LRP1B: variants seen among roughly 807,000 people sequenced by gnomAD.
The protein encoded by LRP1B is LDL receptor related protein 1B.
A neutral mutation model predicts 556.6 loss-of-function variants in LRP1B; 217 were observed. The observed-to-expected ratio is 0.39, with a 90% confidence interval of 0.35 to 0.44. The LOEUF (loss-of-function observed/expected upper bound fraction) is 0.44. LRP1B is among the 20% of genes least tolerant of loss of function. The probability of loss-of-function intolerance (pLI) is 1.00; values close to 1 mark genes in which losing one functional copy is unlikely to be tolerated. For missense variants in LRP1B, 5,053 were observed against 5,620.8 expected, an observed-to-expected ratio of 0.90 and a Z score of 3.23; for synonymous variants, 2,047 against 1,865.8, an observed-to-expected ratio of 1.10 and a Z score of -2.50.
chr2:140,683,316 A>C (rs1437654539), intron 41 of LRP1B: 2 of 436,128 alleles, frequency 4.6e-6, no homozygotes, highest in Admixed American at 3.1e-5. Context: ...AGAGATCTTG[A>C]CCTGGAGGCC....
At chr2:141,172,018 T>C (rs1325163624) in intron 7 of LRP1B, among the ~76,000 whole-genome samples, 3 of 152,120 alleles carry the variant, frequency 2.0e-5, no homozygotes, top group African/African-American at 7.2e-5. Flanking sequence ...AGATAGGTAA[T>C]GCAAAACTAT....
chr2:141,812,382 G>A (rs1295379517), intron 1 of LRP1B, among the ~76,000 whole-genome samples: 1 of 152,076 alleles, frequency 6.6e-6, no homozygotes, highest in Admixed American at 6.6e-5. Flanking sequence ...TCCCAGAAAA[G>A]TCAGAATGGA....
intron 86 of LRP1B, among the ~76,000 whole-genome samples, chr2:140,249,038 T>C (rs1205406024): frequency 2.8e-4 from 8 of 28,128 alleles, no homozygotes; most frequent in Non-Finnish European, 1.0e-3. Flanking sequence ...CATTATCTCA[T>C]TTAAAAGAAA....
intron 66 of LRP1B, among the ~76,000 whole-genome samples, chr2:140,388,361 T>C (rs756008024): frequency 3.9e-5 from 6 of 152,158 alleles, no homozygotes; most frequent in Non-Finnish European, 8.8e-5. Flanking sequence ...AGCACAACAA[T>C]TCTCCTTGAC....
intron 2 of LRP1B, among the ~76,000 whole-genome samples, chr2:141,677,172 C>T (rs1690915344): frequency 6.6e-6 from 1 of 151,950 alleles, no homozygotes; most frequent in Non-Finnish European, 1.5e-5. Flanking sequence ...ATACAAATTC[C>T]ACAGGAAAAT....
At chr2:141,351,678 A>G (rs2105541408) in intron 3 of LRP1B, among the ~76,000 whole-genome samples, 1 of 152,158 alleles carries the variant, frequency 6.6e-6, no homozygotes, top group East Asian at 1.9e-4. Flanking sequence ...ATGGAGCTCC[A>G]ACTCTAGTGG....
chr2:141,544,392 TCCTCCTCCTCCTCCTCCTCC>T (rs1389168347), intron 2 of LRP1B, among the ~76,000 whole-genome samples: 3 of 123,888 alleles, frequency 2.4e-5, no homozygotes, highest in East Asian at 2.4e-4. Flanking sequence ...CTCCTCCTCC[TCCTCCTCCTCCTCCTCCTCC>T]TTCTCCTCCT....
chr2:141,237,796 G>T (rs1287755777), intron 5 of LRP1B, among the ~76,000 whole-genome samples: 1 of 152,036 alleles, frequency 6.6e-6, no homozygotes, highest in Non-Finnish European at 1.5e-5. Context: ...CAAACTGGCG[G>T]CTCTCACAAT....
intron 1 of LRP1B, among the ~76,000 whole-genome samples, chr2:142,030,655 G>A (rs1052487679): frequency 6.6e-6 from 1 of 151,862 alleles, no homozygotes; most frequent in African/African-American, 2.4e-5. Context: ...GTAATGGCAG[G>A]AGATAGATTT....
intron 1 of LRP1B, among the ~76,000 whole-genome samples, chr2:141,935,617 T>C (rs554141391): frequency 2.0e-4 from 31 of 152,188 alleles, no homozygotes; most frequent in Admixed American, 1.3e-3. Flanking sequence ...GAAATATAGA[T>C]GAAAAAATGA....
intron 2 of LRP1B, among the ~76,000 whole-genome samples, chr2:141,676,797 A>C (rs186306536): frequency 6.6e-6 from 1 of 152,062 alleles, no homozygotes; most frequent in African/African-American, 2.4e-5. Context: ...ATTTCTCTTT[A>C]ATTCTGTACC....
intron 20 of LRP1B, among the ~76,000 whole-genome samples, chr2:140,936,005 ATG>A (rs558822517): frequency 2.6e-4 from 38 of 148,728 alleles, no homozygotes; most frequent in Non-Finnish European, 3.1e-4. Context: ...CTGTGTGTAT[ATG>A]TGTGTGTGTG....
intron 2 of LRP1B, among the ~76,000 whole-genome samples, chr2:141,641,611 T>A (rs908365399): frequency 6.6e-6 from 1 of 152,130 alleles, no homozygotes; most frequent in Non-Finnish European, 1.5e-5. Flanking sequence ...CAGTTAACTG[T>A]CTTCCAGTGA....
intron 5 of LRP1B, among the ~76,000 whole-genome samples, chr2:141,239,250 C>T (rs993570313): frequency 2.0e-5 from 3 of 151,962 alleles, no homozygotes; most frequent in Admixed American, 2.0e-4. Context: ...TGCTTAAGAC[C>T]GATAGTCAAC....
At chr2:140,299,984 A>G (rs1683752162) in intron 83 of LRP1B, among the ~76,000 whole-genome samples, 1 of 152,226 alleles carries the variant, frequency 6.6e-6, no homozygotes, top group African/African-American at 2.4e-5. Context: ...AAAAGAAGTA[A>G]AATGATACAA....
intron 77 of LRP1B, 31 bp from the exon 78 acceptor site, chr2:140,335,869 ATTTT>A: frequency 1.5e-6 from 2 of 1,363,106 alleles, no homozygotes; most frequent in Non-Finnish European, 1.0e-6. Context: ...ACACCACGGT[ATTTT>A]CAACAGGAAA....
intron 1 of LRP1B, among the ~76,000 whole-genome samples, chr2:141,827,780 A>G (rs916218624): frequency 1.3e-5 from 2 of 152,148 alleles, no homozygotes; most frequent in Non-Finnish European, 2.9e-5. Context: ...TATTCATCAT[A>G]CTTTCTTTAA....
intron 3 of LRP1B, among the ~76,000 whole-genome samples, chr2:141,463,700 T>A (rs1371132298): frequency 2.8e-5 from 4 of 142,502 alleles, no homozygotes; most frequent in Non-Finnish European, 1.5e-5. Context: ...ATCTATACAA[T>A]AATGAGAACC....
chr2:141,702,995 C>G (rs1388868345), intron 2 of LRP1B, among the ~76,000 whole-genome samples: 1 of 151,874 alleles, frequency 6.6e-6, no homozygotes, highest in Non-Finnish European at 1.5e-5. Flanking sequence ...CCTTGCCATT[C>G]TGTGTAATAA....
Sources: allele counts gnomAD v4.1 joint callset (sites outside exome capture counted in the v4.1 genomes callset), GRCh38; gene constraint gnomAD v4.1.1; transcripts MANE v1.5; gene names NCBI Gene and HGNC (gene_info 2026-07-23, HGNC 2026-07-21).